Variants in SEC31A observed in about 807,000 individuals in gnomAD.
The protein encoded by SEC31A is protein transport protein Sec31A.
SEC31A carries 70 observed loss-of-function variants against 151.0 expected under a neutral mutation model. The ratio of observed to expected loss-of-function variants is 0.46; its 90% CI spans 0.38 to 0.57. The LOEUF is 0.57. SEC31A is among the 20% of genes least tolerant of loss of function. The pLI is 0.00. For synonymous variants in SEC31A, 475 were observed against 505.9 expected (o/e 0.94, Z 0.82); for missense variants, 1,330 against 1,471.2 (o/e 0.90, Z 1.57).
At chr4:82,829,882 TAAG>T in intron 22 of SEC31A, among the ~76,000 whole-genome samples, 1 of 152,318 alleles carries the variant, frequency 6.6e-6, no homozygotes, top group African/African-American at 2.4e-5. Context: ...ATGCTGGAAA[TAAG>T]AATAATTTCT....
intron 17 of SEC31A, 29 bp from the exon 18 acceptor site, chr4:82,853,744 T>C: frequency 6.3e-7 from 1 of 1,582,826 alleles, no homozygotes; most frequent in South Asian, 1.2e-5. Context: ...TAAAATAAGA[T>C]TATACCCAAG....
At position 82,878,821 on chromosome 4, in the gene SEC31A, G is replaced by C. The variant is rs1389269211; in HGVS notation, c.311C>G (p.Ser104Cys). ...ENGNIILYDPSKIIAGDKEVV... is the reference protein window; with the variant it reads ...ENGNIILYDPCKIIAGDKEVV... ...TTCCTTGTCTCCAGCTATAATTTTAGAAGGATCATAGAGAATAATATTTCC... is the reference window on the plus strand; with the variant it reads ...TTCCTTGTCTCCAGCTATAATTTTACAAGGATCATAGAGAATAATATTTCC... Residue 104 changes from serine to cysteine, a missense_variant, in exon 4 of 27, where the codon TCT (serine) becomes TGT (cysteine). Transcript: ENST00000395310. The C allele has an allele frequency of 6.2e-7, 1 of 1,613,790 alleles. No homozygotes were observed. Among genetic ancestry groups the C allele is most frequent in the African/African-American group, 1.3e-5 (1 of 74,912 alleles).
intron 18 of SEC31A, 50 bp from the exon 19 acceptor site, chr4:82,851,654 G>C: frequency 1.4e-6 from 2 of 1,462,896 alleles, no homozygotes; most frequent in South Asian, 2.5e-5. Context: ...CCATGTATGA[G>C]AGGAAGCAGG....
At chr4:82,867,395 G>T in intron 8 of SEC31A, 79 bp from the exon 9 acceptor site, 7 of 1,208,536 alleles carry the variant, frequency 5.8e-6, no homozygotes, top group Non-Finnish European at 8.3e-6. Context: ...AATTAATGTG[G>T]TCAACAAGTA....
intron 16 of SEC31A, among the ~76,000 whole-genome samples, chr4:82,855,995 A>G (rs1732548627): frequency 6.6e-6 from 1 of 152,242 alleles, no homozygotes; most frequent in African/African-American, 2.4e-5. Context: ...TTAAATAATC[A>G]GAAATTTGTA....
At chr4:82,851,770 G>A (rs1001194234) in intron 18 of SEC31A, among the ~76,000 whole-genome samples, 166 bp from the exon 19 acceptor site, 1 of 152,188 alleles carries the variant, frequency 6.6e-6, no homozygotes, top group Non-Finnish European at 1.5e-5. Flanking sequence ...TGAAAAAGTA[G>A]TAAGGAGGAA....
Position 82,870,308 on chromosome 4 carries a change from A to C in SEC31A, c.882+17T>G. 4 of 1,593,716 alleles carry C rather than the reference A, an allele frequency of 2.5e-6. No individual in the cohort carries two copies. The highest frequency in any genetic ancestry group is 3.4e-6 in the Non-Finnish European group (4 of 1,162,104). On this transcript the variant is annotated intron_variant, in intron 8 of 26. Coordinates refer to ENST00000395310, the MANE Select transcript of SEC31A (RefSeq NM_001077207.4). ...ACTATAAGGGCTACAAGGTTGAGAC[A>C]CATTTCCTGCCCATACCTCTCCTGT...
At chr4:82,878,423 G>A (rs1215107275) in intron 4 of SEC31A, among the ~76,000 whole-genome samples, 1 of 152,162 alleles carries the variant, frequency 6.6e-6, no homozygotes, top group Non-Finnish European at 1.5e-5. Flanking sequence ...GAACCCAGGA[G>A]GCAGAGGTTG....
At chr4:82,897,602 A>G (rs1371321300) in intron 3 of SEC31A, among the ~76,000 whole-genome samples, 2 of 152,156 alleles carry the variant, frequency 1.3e-5, no homozygotes, top group Non-Finnish European at 2.9e-5. Context: ...AGCCAGGTGT[A>G]GTGGTACATG....
At chr4:82,881,580 T>C (rs1184842406) in intron 2 of SEC31A, among the ~76,000 whole-genome samples, 1 of 152,220 alleles carries the variant, frequency 6.6e-6, no homozygotes, top group Non-Finnish European at 1.5e-5. Context: ...TTCAAACTGA[T>C]ATTAACTGTT....
In SEC31A at chr4:82,842,300, G is replaced by A; in HGVS notation, c.2808C>T (p.Thr936=). 2 of 1,613,694 alleles carry A rather than the reference G, an allele frequency of 1.2e-6. No individual in the cohort carries two copies. Among genetic ancestry groups the A allele is most frequent in the Non-Finnish European group, 1.7e-6 (2 of 1,179,836 alleles). ...YAAQHQASSP[T]SSPATSFPPP... is the part of the protein sequence containing the mutation. ...GAGGGAAAGAAGTAGCAGGGCTGGA[G>A]GTAGGTGAAGAGGCCTGGTGCTGTG... The change falls in exon 22 of 27, where the codon ACC becomes ACT. Residue 936 remains threonine, a synonymous_variant. Transcript: ENST00000395310.
chr4:82,849,109 C>T lies in SEC31A; in HGVS notation c.2329-132G>A, dbSNP rs559324984. 7.6e-5 allele frequency: 58 copies of T among 761,436 alleles called. 1 individual carries two copies. The South Asian group carries it at 1.1e-3, about 14-fold the overall frequency. The allele number at this position is 761,436 out of a possible 1,614,324, so 47.2% of individuals were successfully genotyped here. On this transcript the variant is annotated intron_variant, in intron 19 of 26. Coordinates refer to ENST00000395310, the MANE Select transcript of SEC31A (RefSeq NM_001077207.4). The stretch of plus-strand genomic sequence containing the variant: ...ATAATGCTGGGTATTATACAATAGA[C>T]CCTGACACACAGATTTGACATTGTG...
intron 18 of SEC31A, 102 bp downstream of exon 18, chr4:82,853,468 C>A (rs1731881116): frequency 3.9e-6 from 4 of 1,016,218 alleles, no homozygotes; most frequent in Non-Finnish European, 5.6e-6. Flanking sequence ...AAAAGAAGTT[C>A]TTGAATGTAT....
At chr4:82,831,618 C>A (rs139725805) in intron 22 of SEC31A, among the ~76,000 whole-genome samples, 4 of 152,248 alleles carry the variant, frequency 2.6e-5, no homozygotes, top group Admixed American at 6.5e-5. Flanking sequence ...GATAAACGTG[C>A]CTATCTTAGC....
chr4:82,860,806 C>A (rs539720723), intron 14 of SEC31A, among the ~76,000 whole-genome samples: 1 of 152,018 alleles, frequency 6.6e-6, no homozygotes, highest in Non-Finnish European at 1.5e-5. Context: ...AAGATTTTAT[C>A]CATATCCTTT....
At chr4:82,827,774 A>G in intron 23 of SEC31A, 142 bp from the exon 24 acceptor site, 2 of 776,762 alleles carry the variant, frequency 2.6e-6, no homozygotes, top group Non-Finnish European at 4.1e-6. Context: ...TTCAAATGAA[A>G]TTTTATGCAG....
chr4:82,824,706 A>G, intron 24 of SEC31A, 32 bp from the exon 25 acceptor site: 1 of 1,607,578 alleles, frequency 6.2e-7, no homozygotes, highest in Non-Finnish European at 8.5e-7. Context: ...CTGATCAGAA[A>G]TGACCAGAAG....
chr4:82,822,279 TATGAAG>T, intron 25 of SEC31A, among the ~76,000 whole-genome samples: 1 of 151,514 alleles, frequency 6.6e-6, no homozygotes, highest in South Asian at 2.1e-4. Flanking sequence ...TGATAACTGC[TATGAAG>T]AAAAGTTAAT....
intron 20 of SEC31A, chr4:82,845,388 A>C (rs1186162949): frequency 3.3e-6 from 2 of 609,606 alleles, no homozygotes; most frequent in African/African-American, 3.8e-5. Context: ...GCCAGATGCA[A>C]AGCCAAAGGT....
Sources: allele counts gnomAD v4.1 joint callset (sites outside exome capture counted in the v4.1 genomes callset), GRCh38; gene constraint gnomAD v4.1.1; transcripts MANE v1.5; gene names NCBI Gene and HGNC (gene_info 2026-07-23, HGNC 2026-07-21).